The following NEGR1 variants were observed in gnomAD, a reference collection of about 807,000 sequenced individuals.
NEGR1 encodes neuronal growth regulator 1.
NEGR1 carries 10 observed loss-of-function variants against 40.9 expected under a neutral mutation model. That is an observed-to-expected ratio of 0.24 (90% CI 0.15 to 0.42). The LOEUF (loss-of-function observed/expected upper bound fraction) is 0.42. Among genes scored for constraint, NEGR1 ranks in the 10% least tolerant of loss-of-function variants. The pLI is 1.00. For missense variants in NEGR1, 352 were observed against 438.9 expected (o/e 0.80, Z 1.77); for synonymous variants, 185 against 166.8 (o/e 1.11, Z -0.84).
chr1:71,750,741 A>G (rs1357347651), intron 3 of NEGR1, among the ~76,000 whole-genome samples: 1 of 152,168 alleles, frequency 6.6e-6, no homozygotes, highest in Non-Finnish European at 1.5e-5. Context: ...TTGGGTGGGG[A>G]CACAGCCAAA....
At chr1:72,089,463 A>G (rs1569944899) in intron 1 of NEGR1, among the ~76,000 whole-genome samples, 1 of 152,242 alleles carries the variant, frequency 6.6e-6, no homozygotes, top group East Asian at 1.9e-4. Context: ...GTCATTTCCA[A>G]GCATGATCAT....
chr1:72,125,182 GTATC>G (rs371464115), intron 1 of NEGR1, among the ~76,000 whole-genome samples: 3 of 151,662 alleles, frequency 2.0e-5, no homozygotes, highest in African/African-American at 4.8e-5. Flanking sequence ...TTCAAAGTTC[GTATC>G]TATCTAAGAA....
chr1:71,707,207 G>A (rs569895601), intron 3 of NEGR1, among the ~76,000 whole-genome samples: 2 of 152,262 alleles, frequency 1.3e-5, no homozygotes, highest in East Asian at 3.9e-4. Context: ...TGGGCTCTCT[G>A]ATTCTAGGAG....
At chr1:71,783,138 C>T (rs1401270676) in intron 2 of NEGR1, among the ~76,000 whole-genome samples, 2 of 152,044 alleles carry the variant, frequency 1.3e-5, no homozygotes, top group East Asian at 3.9e-4. Context: ...ATTTCTGAAG[C>T]TTTTCCAAAC....
intron 6 of NEGR1, among the ~76,000 whole-genome samples, chr1:71,525,376 T>G (rs2781152): frequency 0.98 from 148,185 of 151,702 alleles, 72,470 homozygotes; most frequent in East Asian, 1. Context: ...GATATATTTT[T>G]GAAATGCTCT....
intron 1 of NEGR1, among the ~76,000 whole-genome samples, chr1:72,257,838 A>C (rs1029982149): frequency 6.1e-5 from 9 of 146,668 alleles, no homozygotes; most frequent in African/African-American, 2.5e-4. Flanking sequence ...ATAAAGAATG[A>C]AAATCCAAAT....
At chr1:71,592,644 C>T (rs530613587) in intron 6 of NEGR1, among the ~76,000 whole-genome samples, 173 bp downstream of exon 6, 2 of 152,236 alleles carry the variant, frequency 1.3e-5, no homozygotes, top group East Asian at 3.9e-4. Context: ...CCTTGGACAA[C>T]TATATGATTT....
At chr1:72,088,401 A>G (rs1358149235) in intron 1 of NEGR1, among the ~76,000 whole-genome samples, 2 of 152,200 alleles carry the variant, frequency 1.3e-5, no homozygotes, top group Non-Finnish European at 2.9e-5. Context: ...GGGCTATCAC[A>G]GTAGACGACC....
chr1:72,041,068 C>G (rs1646949684), intron 1 of NEGR1, among the ~76,000 whole-genome samples: 1 of 151,974 alleles, frequency 6.6e-6, no homozygotes, highest in Non-Finnish European at 1.5e-5. Context: ...TTGAGAATAT[C>G]AATTTCCCTA....
chr1:71,506,859 A>C (rs1160968723), intron 6 of NEGR1, among the ~76,000 whole-genome samples: 2 of 152,238 alleles, frequency 1.3e-5, no homozygotes, highest in Non-Finnish European at 2.9e-5. Context: ...GATGAAAATA[A>C]ACACTGTTTA....
At chr1:71,900,167 C>T (rs1661105373) in intron 2 of NEGR1, among the ~76,000 whole-genome samples, 1 of 152,158 alleles carries the variant, frequency 6.6e-6, no homozygotes, top group African/African-American at 2.4e-5. Context: ...GATTTCCTCA[C>T]ATGATAAATG....
intron 1 of NEGR1, among the ~76,000 whole-genome samples, chr1:71,968,046 A>G (rs1016846601): frequency 1.3e-5 from 2 of 152,220 alleles, no homozygotes; most frequent in African/African-American, 4.8e-5. Flanking sequence ...AAGAAGCCAT[A>G]TGAATGTCTC....
chr1:71,720,826 C>G (rs867634389), intron 3 of NEGR1, among the ~76,000 whole-genome samples: 1 of 152,270 alleles, frequency 6.6e-6, no homozygotes, highest in Non-Finnish European at 1.5e-5. Flanking sequence ...ATGTGAGCAC[C>G]TAAATGTGAG....
chr1:72,061,518 C>G (rs1241015014), intron 1 of NEGR1, among the ~76,000 whole-genome samples: 2 of 151,662 alleles, frequency 1.3e-5, no homozygotes, highest in Non-Finnish European at 2.9e-5. Context: ...AACGTTGTGT[C>G]TAATTCAACA....
At chr1:72,046,860 G>C (rs1647007255) in intron 1 of NEGR1, among the ~76,000 whole-genome samples, 1 of 151,478 alleles carries the variant, frequency 6.6e-6, no homozygotes, top group Non-Finnish European at 1.5e-5. Flanking sequence ...ATGATCAAAA[G>C]GTCTACAACA....
At chr1:71,453,330 A>T (rs985613949) in intron 6 of NEGR1, among the ~76,000 whole-genome samples, 1 of 152,106 alleles carries the variant, frequency 6.6e-6, no homozygotes, top group African/African-American at 2.4e-5. Context: ...TCTTTTAATT[A>T]TATAATAAAC....
chr1:71,740,775 T>C (rs1655189151), intron 3 of NEGR1, among the ~76,000 whole-genome samples: 1 of 152,204 alleles, frequency 6.6e-6, no homozygotes, highest in African/African-American at 2.4e-5. Context: ...TGCCATCTTT[T>C]GCCAATACTG....
intron 6 of NEGR1, among the ~76,000 whole-genome samples, chr1:71,533,321 T>G (rs1647412083): frequency 6.6e-6 from 1 of 151,664 alleles, no homozygotes; most frequent in African/African-American, 2.4e-5. Context: ...TTCAATCATG[T>G]TGTTTCTTAA....
chr1:72,001,160 C>T (rs535447205), intron 1 of NEGR1, among the ~76,000 whole-genome samples: 23 of 152,182 alleles, frequency 1.5e-4, no homozygotes, highest in South Asian at 8.3e-4. Context: ...CAGACCTCAT[C>T]GGCTTCTTAT....
Sources: allele counts gnomAD v4.1 joint callset (sites outside exome capture counted in the v4.1 genomes callset), GRCh38; gene constraint gnomAD v4.1.1; transcripts MANE v1.5; gene names NCBI Gene and HGNC (gene_info 2026-07-23, HGNC 2026-07-21).